The following PUS10 variants were observed in gnomAD, a reference collection of about 807,000 sequenced individuals.
PUS10 encodes pseudouridine synthase 10, also known as tRNA pseudouridine synthase Pus10.
PUS10 carries 59 observed loss-of-function variants against 75.0 expected under a neutral mutation model. That is an observed-to-expected ratio of 0.79 (90% confidence interval 0.64 to 0.98). The LOEUF (loss-of-function observed/expected upper bound fraction) is 0.98, where lower values mean the gene tolerates loss of function less well. PUS10 is among the 50% of genes least tolerant of loss of function. PUS10 has a pLI of 0.00. For missense variants in PUS10, 650 were observed against 614.4 expected (o/e 1.06, Z -0.61); for synonymous variants, 219 against 211.6 (o/e 1.03, Z -0.30).
rs1169530383 is a variant in PUS10 at position 60,941,594 on chromosome 2, A to G, written c.*801T>C. The G allele has an allele frequency of 6.6e-6, 1 of 152,338 alleles. No homozygotes were observed. The highest frequency in any genetic ancestry group is 1.5e-5 in the Non-Finnish European group (1 of 68,016). The allele number at this position is 152,338 out of a possible 1,614,324, so 9.4% of individuals were successfully genotyped here. ...TAATATATTGAAGCATTCTGAAATA[A>G]TACCAGTTCGTCTTTGTTTAGCAAT... On this transcript the variant is annotated 3_prime_UTR_variant, in exon 18 of 18. Transcript: ENST00000316752.
rs975541907 is a variant in PUS10, at chr2:60,992,071, G to A, written c.468+14486C>T. ...CTGTCACCCAGGCTGGAGTATAGTG[G>A]TGCGATCTCAGCTAACTGCAACCTC... is the stretch of plus-strand genomic sequence containing the variant. On this transcript the variant is annotated intron_variant, in intron 4 of 17. Transcript: ENST00000316752. 5.9e-5 allele frequency among the ~76,000 whole-genome samples: 9 copies of A among 151,614 alleles called. No individual in the cohort carries two copies. In the South Asian group the frequency reaches 1.2e-3, roughly 21 times the overall value.
intron 10 of PUS10, 39 bp downstream of exon 10, chr2:60,961,424 C>T (rs368702194): frequency 4.3e-5 from 62 of 1,447,266 alleles, no homozygotes; most frequent in Middle Eastern, 1.7e-4. Context: ...AAGGAGAGTA[C>T]GTTCACAGTG....
chr2:61,005,048 T>G (rs1679115801), intron 4 of PUS10, among the ~76,000 whole-genome samples: 1 of 152,176 alleles, frequency 6.6e-6, no homozygotes, highest in East Asian at 1.9e-4. Flanking sequence ...TGAGGTCGGG[T>G]GTCGGAGACC....
intron 4 of PUS10, among the ~76,000 whole-genome samples, chr2:61,006,347 T>C (rs1679208651): frequency 6.6e-6 from 1 of 152,224 alleles, no homozygotes; most frequent in Non-Finnish European, 1.5e-5. Context: ...TAGGACAAAC[T>C]AACTTGCTTT....
intron 17 of PUS10, among the ~76,000 whole-genome samples, chr2:60,942,729 G>T (rs1674694300): frequency 1.3e-5 from 2 of 152,104 alleles, no homozygotes; most frequent in Non-Finnish European, 1.5e-5. Context: ...ATGGGGCCAG[G>T]TGTGGTGGCT....
At chr2:60,971,420 G>C (rs1676654386) in intron 5 of PUS10, 103 bp downstream of exon 5, 1 of 1,004,784 alleles carries the variant, frequency 1.0e-6, no homozygotes, top group Non-Finnish European at 1.6e-6. Flanking sequence ...CTAGTAGCTA[G>C]TGAATGCACT....
intron 16 of PUS10, 41 bp downstream of exon 16, chr2:60,948,002 G>A: frequency 3.1e-6 from 5 of 1,612,262 alleles, no homozygotes; most frequent in Non-Finnish European, 4.2e-6. Flanking sequence ...TTCCAATAGA[G>A]TTCTGGTTCG....
At chr2:60,968,551 A>T (rs1676478189) in intron 5 of PUS10, among the ~76,000 whole-genome samples, 1 of 152,146 alleles carries the variant, frequency 6.6e-6, no homozygotes, top group African/African-American at 2.4e-5. Context: ...AGACCAAAAG[A>T]CACTACTAAC....
intron 4 of PUS10, among the ~76,000 whole-genome samples, chr2:60,989,302 C>G (rs190493634): frequency 1.5e-4 from 23 of 152,262 alleles, no homozygotes; most frequent in Admixed American, 1.5e-3. Flanking sequence ...CTCCATGCAG[C>G]CAGGTGAATG....
intron 16 of PUS10, 49 bp from the exon 17 acceptor site, chr2:60,945,157 T>G: frequency 7.9e-6 from 9 of 1,143,752 alleles, no homozygotes; most frequent in South Asian, 1.2e-5. Flanking sequence ...GTACCAACTA[T>G]TTGGTAAGAT....
At chr2:60,971,651 T>C in intron 4 of PUS10, 94 bp from the exon 5 acceptor site, 3 of 1,181,982 alleles carry the variant, frequency 2.5e-6, no homozygotes, top group Non-Finnish European at 3.7e-6. Context: ...GCTTAACTAT[T>C]TGCTAATCAA....
intron 4 of PUS10, among the ~76,000 whole-genome samples, chr2:60,994,088 C>T (rs1678295190): frequency 6.6e-6 from 1 of 151,398 alleles, no homozygotes; most frequent in African/African-American, 2.4e-5. Context: ...CGCGCCCGGC[C>T]AGATCGACAC....
intron 12 of PUS10, among the ~76,000 whole-genome samples, chr2:60,954,489 T>C (rs778809982): frequency 3.0e-4 from 45 of 152,232 alleles, no homozygotes; most frequent in Non-Finnish European, 6.5e-4. Context: ...AGCAATGCCC[T>C]GTTGAAATCC....
chr2:61,005,392 T>C (rs552365234), intron 4 of PUS10, among the ~76,000 whole-genome samples: 2 of 152,358 alleles, frequency 1.3e-5, no homozygotes, highest in South Asian at 4.1e-4. Context: ...ATATGAATCT[T>C]AATGTAAAAA....
At chr2:60,990,027 T>G (rs1302718011) in intron 4 of PUS10, among the ~76,000 whole-genome samples, 5 of 152,136 alleles carry the variant, frequency 3.3e-5, no homozygotes, top group Non-Finnish European at 1.5e-5. Context: ...AAAGTAACTT[T>G]AAGAAACTAG....
At chr2:60,981,618 A>G (rs1677399586) in intron 4 of PUS10, among the ~76,000 whole-genome samples, 2 of 152,276 alleles carry the variant, frequency 1.3e-5, no homozygotes, top group Admixed American at 1.3e-4. Context: ...AATTAATGAC[A>G]AAGTAATAAA....
chr2:60,971,643 T>G, intron 4 of PUS10, 86 bp from the exon 5 acceptor site: 1 of 1,262,132 alleles, frequency 7.9e-7, no homozygotes, highest in Non-Finnish European at 1.1e-6. Flanking sequence ...ACTGAAGTGC[T>G]TAACTATTTG....
rs774707233 is a variant in PUS10, at chr2:61,011,900, T to C, written c.-10A>G. ...CAGTCAGTGGGAACATATTGAATAATTATAACTAGAAAGAAAAGAAGTAAA... is the reference window on the plus strand; with the variant it reads ...CAGTCAGTGGGAACATATTGAATAACTATAACTAGAAAGAAAAGAAGTAAA... On this transcript the variant is annotated 5_prime_UTR_variant, in exon 2 of 18. Transcript: ENST00000316752. The C allele has an allele frequency of 6.3e-7, 1 of 1,589,992 alleles. No individual in the cohort carries two copies.
At chr2:61,000,483 A>C (rs1462903735) in intron 4 of PUS10, among the ~76,000 whole-genome samples, 1 of 152,214 alleles carries the variant, frequency 6.6e-6, no homozygotes, top group Non-Finnish European at 1.5e-5. Flanking sequence ...GCTTAAAATC[A>C]AGGTGCCAGC....
Sources: gnomAD v4.1 joint callset for allele counts (sites outside exome capture counted in the v4.1 genomes callset) on GRCh38, gnomAD v4.1.1 for gene constraint, MANE v1.5 for transcripts, NCBI Gene and HGNC (gene_info 2026-07-23, HGNC 2026-07-21) for gene names.